Variants in CHD1L observed in about 807,000 individuals in gnomAD.
CHD1L encodes ATP-dependent chromatin remodeler CHD1L.
A neutral mutation model predicts 115.9 loss-of-function variants in CHD1L; 118 were observed. The ratio of observed to expected loss-of-function variants is 1.02; its 90% CI spans 0.88 to 1.19. The LOEUF (loss-of-function observed/expected upper bound fraction) is 1.19, where lower values mean the gene tolerates loss of function less well. Among genes scored for constraint, CHD1L ranks in the 50% most tolerant of loss-of-function variants. CHD1L has a pLI of 0.00. For missense variants in CHD1L, 1,179 were observed against 1,065.3 expected (o/e 1.11, Z -1.49); for synonymous variants, 411 against 387.1 (o/e 1.06, Z -0.72).
intron 18 of CHD1L, among the ~76,000 whole-genome samples, chr1:147,287,197 T>C (rs1683507843): frequency 6.6e-6 from 1 of 152,244 alleles, no homozygotes. Flanking sequence ...AATGAATGAC[T>C]ATAAATGCTA....
chr1:147,232,001 A>G, the CHD1L span, among the ~76,000 whole-genome samples: 1 of 152,114 alleles, frequency 6.6e-6, no homozygotes, highest in East Asian at 1.9e-4. Flanking sequence ...AAATGCAAAA[A>G]TCACCTGTCT....
chr1:147,292,213 G>T (rs1685799026), intron 20 of CHD1L, among the ~76,000 whole-genome samples: 1 of 152,116 alleles, frequency 6.6e-6, no homozygotes. Flanking sequence ...GAGTAAGAAG[G>T]CATGACTCAG....
rs1286425690 is a variant in CHD1L, at chr1:147,291,544, C to G, written c.2383C>G (p.Gln795Glu). Residue 795 changes from glutamine to glutamate, a missense_variant, in exon 20 of 23, where the codon CAA (glutamine) becomes GAA (glutamate). Transcript: ENST00000369258. ...TGATAAAGAATCAAGAAACAAAGGG[C>G]AAGATTTGGTAAGTAAAACCCATCT... ...VDDKESRNKG[Q>E]DLLALIVAQH... 1 of 1,613,252 alleles carries G rather than the reference C, an allele frequency of 6.2e-7. No homozygotes were observed. Among genetic ancestry groups the G allele is most frequent in the Non-Finnish European group, 8.5e-7 (1 of 1,179,394 alleles).
intron 6 of CHD1L, among the ~76,000 whole-genome samples, chr1:147,262,094 G>A (rs1044311256): frequency 1.3e-5 from 2 of 151,842 alleles, no homozygotes; most frequent in African/African-American, 2.4e-5. Flanking sequence ...TACTTGGGAG[G>A]CTGAGGCAGG....
At chr1:147,179,359 T>G in the CHD1L span, 1 of 1,601,080 alleles carries the variant, frequency 6.2e-7, no homozygotes, top group Non-Finnish European at 8.6e-7. Context: ...GGAGCCCAAG[T>G]ATAAAGAACT....
intron 15 of CHD1L, among the ~76,000 whole-genome samples, chr1:147,281,063 C>T (rs940488695): frequency 2.2e-4 from 33 of 152,084 alleles, no homozygotes; most frequent in African/African-American, 6.8e-4. Flanking sequence ...GAATTTCCAT[C>T]GCTCGCTTTC....
chr1:147,191,133 G>A, the CHD1L span, among the ~76,000 whole-genome samples: 66 of 152,150 alleles, frequency 4.3e-4, no homozygotes, highest in Non-Finnish European at 1.6e-4. Flanking sequence ...GAATAGTGCC[G>A]CAATAAACAT....
the CHD1L span, among the ~76,000 whole-genome samples, chr1:147,188,763 TA>T: frequency 0.047 from 6,557 of 140,190 alleles, 198 homozygotes; most frequent in South Asian, 0.11. Flanking sequence ...TTTCAGAAGT[TA>T]AAAAAAAAAA....
chr1:147,237,240 T>G, the CHD1L span, among the ~76,000 whole-genome samples: 1 of 152,152 alleles, frequency 6.6e-6, no homozygotes, highest in Non-Finnish European at 1.5e-5. Context: ...GAGACACTTC[T>G]TAGCCTGCAG....
the CHD1L span, among the ~76,000 whole-genome samples, chr1:147,220,664 G>T: frequency 6.6e-6 from 1 of 152,110 alleles, no homozygotes; most frequent in Non-Finnish European, 1.5e-5. Flanking sequence ...TATAGTTTTA[G>T]ATTTTACATT....
chr1:147,292,706 G>A (rs879983797), intron 20 of CHD1L, among the ~76,000 whole-genome samples: 1 of 152,190 alleles, frequency 6.6e-6, no homozygotes, highest in Non-Finnish European at 1.5e-5. Context: ...ATCACACATG[G>A]CAAGAGCAGG....
the CHD1L span, chr1:147,186,199 C>A: frequency 2.2e-6 from 1 of 456,372 alleles, no homozygotes; most frequent in African/African-American, 2.1e-5. Context: ...TCCCAAAATT[C>A]TCAACCAAGT....
chr1:147,240,946 C>T (rs900289490), upstream of CHD1L, among the ~76,000 whole-genome samples: 4 of 151,966 alleles, frequency 2.6e-5, no homozygotes, highest in East Asian at 1.9e-4. Flanking sequence ...TGCTGAGCGC[C>T]GGTTCCCTGG....
intron 12 of CHD1L, among the ~76,000 whole-genome samples, chr1:147,273,047 A>G (rs587671482): frequency 6.6e-6 from 1 of 152,320 alleles, no homozygotes; most frequent in East Asian, 1.9e-4. Flanking sequence ...TTAAAAAAAT[A>G]CAAAACTTAG....
At chr1:147,233,509 C>A in the CHD1L span, among the ~76,000 whole-genome samples, 1 of 145,100 alleles carries the variant, frequency 6.9e-6, no homozygotes. Flanking sequence ...CCGCCCCATC[C>A]GGGAGGTGAG....
At chr1:147,225,160 G>A in the CHD1L span, 1 of 1,522,436 alleles carries the variant, frequency 6.6e-7, no homozygotes, top group Non-Finnish European at 8.8e-7. Flanking sequence ...TTCTGTACAA[G>A]AGGTGTCTTG....
chr1:147,175,469 G>A, the CHD1L span: 1 of 152,284 alleles, frequency 6.6e-6, no homozygotes, highest in African/African-American at 2.4e-5. Context: ...GTGATTGGAT[G>A]ATGGGGGCGG....
intron 17 of CHD1L, 116 bp downstream of exon 17, chr1:147,285,603 A>T: frequency 8.5e-7 from 1 of 1,172,362 alleles, no homozygotes; most frequent in Non-Finnish European, 1.2e-6. Context: ...GTTGGTTCCT[A>T]TTGGTAACAG....
the CHD1L span, among the ~76,000 whole-genome samples, chr1:147,229,976 C>T: frequency 6.8e-6 from 1 of 146,900 alleles, no homozygotes; most frequent in Non-Finnish European, 1.5e-5. Context: ...TTGACTTCCT[C>T]TTTTCCTAAT....
Sources: allele counts gnomAD v4.1 joint callset (sites outside exome capture counted in the v4.1 genomes callset), GRCh38; gene constraint gnomAD v4.1.1; transcripts MANE v1.5; gene names NCBI Gene and HGNC (gene_info 2026-07-23, HGNC 2026-07-21).